The following MAP3K13 variants were observed in gnomAD, a reference collection of about 807,000 sequenced individuals.
MAP3K13 encodes the protein leucine zipper-bearing kinase.
A neutral mutation model predicts 104.0 loss-of-function variants in MAP3K13; 52 were observed. The observed-to-expected ratio is 0.50, with a 90% CI of 0.40 to 0.63. MAP3K13 has a LOEUF of 0.63. Ranked by LOEUF, MAP3K13 falls within the 20% of genes least tolerant of loss-of-function variation. The pLI is 0.00. For synonymous variants in MAP3K13, 394 were observed against 442.2 expected (o/e 0.89, Z 1.37); for missense variants, 914 against 1,218.5 (o/e 0.75, Z 3.72).
intron 2 of MAP3K13, among the ~76,000 whole-genome samples, chr3:185,314,440 G>A (rs1252764772): frequency 3.3e-5 from 5 of 151,652 alleles, no homozygotes; most frequent in African/African-American, 1.2e-4. Flanking sequence ...ACATGTTGAA[G>A]CCCCATCTCT....
At chr3:185,475,409 G>A (rs1196405312) in intron 11 of MAP3K13, among the ~76,000 whole-genome samples, 1 of 152,204 alleles carries the variant, frequency 6.6e-6, no homozygotes, top group Non-Finnish European at 1.5e-5. Flanking sequence ...CTGAAGGAAT[G>A]AAAGGGTATA....
intron 12 of MAP3K13, 134 bp from the exon 13 acceptor site, chr3:185,480,098 C>A: frequency 1.3e-6 from 1 of 795,932 alleles, no homozygotes; most frequent in Non-Finnish European, 2.0e-6. Context: ...TAGTTTCTAC[C>A]TATCTTGATT....
In MAP3K13 at chr3:185,350,116, T is replaced by G. The variant is rs28414880; in HGVS notation, c.-86+64473T>G. Among the ~76,000 whole-genome samples, 832 of 152,350 alleles carry G rather than the reference T, an allele frequency of 5.5e-3. 6 individuals carry two copies. Among genetic ancestry groups the G allele is most frequent in the African/African-American group, 0.018 (751 of 41,588 alleles). On this transcript the variant is annotated intron_variant, in intron 2 of 14. Transcript: ENST00000424227. ...TAGGTTCAACAGAGCACTTATGAATTGATCCAAGGATTCTTGAATCGTATT... is the reference window on the plus strand; with the variant it reads ...TAGGTTCAACAGAGCACTTATGAATGGATCCAAGGATTCTTGAATCGTATT...
chr3:185,331,350 C>T (rs1722269441), intron 2 of MAP3K13, among the ~76,000 whole-genome samples: 1 of 152,066 alleles, frequency 6.6e-6, no homozygotes. Flanking sequence ...CTGCCTTGGC[C>T]TCCCAAAGTG....
intron 1 of MAP3K13, among the ~76,000 whole-genome samples, chr3:185,421,488 G>A (rs562033369): frequency 1.2e-4 from 18 of 152,214 alleles, no homozygotes; most frequent in African/African-American, 3.6e-4. Context: ...ATGAGCCACC[G>A]CACCTGGCTC....
At chr3:185,334,604 T>C (rs1254879201) in intron 2 of MAP3K13, among the ~76,000 whole-genome samples, 1 of 9,688 alleles carries the variant, frequency 1.0e-4, no homozygotes, top group Non-Finnish European at 5.2e-4. Flanking sequence ...ATGGATTTTC[T>C]TTTTTTTTTT....
chr3:185,314,705 G>C (rs954107070), intron 2 of MAP3K13, among the ~76,000 whole-genome samples: 1 of 152,008 alleles, frequency 6.6e-6, no homozygotes, highest in African/African-American at 2.4e-5. Flanking sequence ...TTGTAACCTA[G>C]AACTTCAGGG....
At chr3:185,437,396 A>G (rs752869499) in intron 2 of MAP3K13, 51 bp from the exon 3 acceptor site, 1 of 1,535,676 alleles carries the variant, frequency 6.5e-7, no homozygotes, top group Non-Finnish European at 8.9e-7. Context: ...GGCCTTGTAG[A>G]GTGGTCCCTT....
At chr3:185,356,245 A>G (rs1723347039) in intron 2 of MAP3K13, among the ~76,000 whole-genome samples, 1 of 152,248 alleles carries the variant, frequency 6.6e-6, no homozygotes, top group South Asian at 2.1e-4. Flanking sequence ...TCAGAAAAGG[A>G]ATTCTATAGT....
chr3:185,413,801 G>A lies in MAP3K13; in HGVS notation c.-85-14696G>A, dbSNP rs933555901. ...TGTGCCACTGCACTCCAGCCTGGGC[G>A]ACAGAGCGAGATTCCACCTCAAAAA... On this transcript the variant is annotated intron_variant, in intron 1 of 13. Coordinates refer to ENST00000265026, the MANE Select transcript of MAP3K13 (RefSeq NM_004721.5). Among the ~76,000 whole-genome samples, 9 of 152,112 alleles carry A rather than the reference G, an allele frequency of 5.9e-5. No individual in the cohort carries two copies. In the South Asian group the frequency reaches 1.5e-3, roughly 25 times the overall value.
intron 1 of MAP3K13, among the ~76,000 whole-genome samples, chr3:185,404,023 A>G (rs1412877184): frequency 6.6e-6 from 1 of 152,242 alleles, no homozygotes; most frequent in Non-Finnish European, 1.5e-5. Context: ...TTAATGATCA[A>G]TTTTTAGGAC....
At chr3:185,357,109 T>TC (rs1405360435) in intron 2 of MAP3K13, among the ~76,000 whole-genome samples, 310 of 150,874 alleles carry the variant, frequency 2.1e-3, no homozygotes, top group African/African-American at 6.7e-3. Flanking sequence ...TTTTTTTTTT[T>TC]TCTCTCTCTC....
rs568118898 is a variant in MAP3K13, at chr3:185,486,513, C to G, written c.*4057C>G. 15 of 152,172 alleles carry G rather than the reference C, an allele frequency of 9.9e-5. No individual in the cohort carries two copies. The highest frequency in any genetic ancestry group is 3.6e-4 in the African/African-American group (15 of 41,424). 9.4% of individuals were successfully genotyped at this position (152,172 alleles called of 1,614,324 possible). A position where few individuals can be genotyped will look rare whatever the true frequency, so the allele number is the denominator to read the frequency against. On this transcript the variant is annotated 3_prime_UTR_variant, in exon 14 of 14. Coordinates refer to ENST00000265026, the MANE Select transcript of MAP3K13 (RefSeq NM_004721.5). ...GAATTGATGTATGTTTCTTTGAGAA[C>G]GACTCCACAGTCATCTGAAGAGTGT... is the stretch of plus-strand genomic sequence containing the variant.
chr3:185,390,882 A>G (rs928495039), intron 1 of MAP3K13, among the ~76,000 whole-genome samples: 4 of 152,040 alleles, frequency 2.6e-5, no homozygotes, highest in Admixed American at 6.6e-5. Flanking sequence ...CGGCCTCACA[A>G]AGTGCTGGGA....
At chr3:185,455,374 TATATATGATATATATATC>T (rs1338550773) in intron 7 of MAP3K13, among the ~76,000 whole-genome samples, 2 of 85,206 alleles carry the variant, frequency 2.3e-5, no homozygotes, top group African/African-American at 4.2e-5. Flanking sequence ...ATATATATGA[TATATATGATATATATATC>T]ATATATGAGA....
At chr3:185,361,153 C>T, upstream of MAP3K13, among the ~76,000 whole-genome samples, 1 of 147,504 alleles carries the variant, frequency 6.8e-6, no homozygotes, top group African/African-American at 2.5e-5. Context: ...TACATATATA[C>T]AGATTTTATA....
At chr3:185,408,901 T>A (rs1713271958) in intron 1 of MAP3K13, among the ~76,000 whole-genome samples, 1 of 152,208 alleles carries the variant, frequency 6.6e-6, no homozygotes, top group Admixed American at 6.6e-5. Context: ...AAATTTGCTC[T>A]GTGTGCTGTT....
At chr3:185,451,439 G>A (rs1259924924) in intron 7 of MAP3K13, 44 bp downstream of exon 7, 3 of 1,305,090 alleles carry the variant, frequency 2.3e-6, no homozygotes, top group African/African-American at 1.5e-5. Context: ...AACAGATAGA[G>A]AACTCTCAAT....
Position 185,418,547 on chromosome 3 carries a change from T to C in MAP3K13, c.-85-9950T>C. ...CGGTGAGTCCCACCACCTCGAACTC[T>C]GGGAATTCGAGCCATAGCTCTGCCA... On this transcript the variant is annotated intron_variant, in intron 1 of 13. Coordinates refer to ENST00000265026, the MANE Select transcript of MAP3K13 (RefSeq NM_004721.5). This position sits in a 1 kb window ranked among gnomAD's most constrained non-coding sequence, Gnocchi z 4.5. 1 of 1,612,092 alleles carries C rather than the reference T, an allele frequency of 6.2e-7. No homozygotes were observed.
Sources: allele counts gnomAD v4.1 joint callset (sites outside exome capture counted in the v4.1 genomes callset), GRCh38; gene constraint gnomAD v4.1.1; non-coding constraint Gnocchi (gnomAD v3.1); transcripts MANE v1.5; gene names NCBI Gene and HGNC (gene_info 2026-07-23, HGNC 2026-07-21).